The following STK33 variants were observed in gnomAD, a reference collection of about 807,000 sequenced individuals.
STK33 encodes serine/threonine kinase 33, also known as serine/threonine-protein kinase 33.
A neutral mutation model predicts 58.0 loss-of-function variants in STK33; 52 were observed. The ratio of observed to expected loss-of-function variants is 0.90; its 90% CI spans 0.72 to 1.13. STK33 has a LOEUF of 1.13. Among genes scored for constraint, STK33 ranks in the 50% most tolerant of loss-of-function variants. The probability of loss-of-function intolerance (pLI) is 0.00; values close to 1 mark genes in which losing one functional copy is unlikely to be tolerated. For missense variants in STK33, 630 were observed against 604.2 expected (o/e 1.04, Z -0.45); for synonymous variants, 215 against 200.1 (o/e 1.07, Z -0.63).
chr11:8,579,986 G>A (rs2029868046), intron 1 of STK33, among the ~76,000 whole-genome samples: 1 of 152,116 alleles, frequency 6.6e-6, no homozygotes, highest in African/African-American at 2.4e-5. Flanking sequence ...GAGGAGATGT[G>A]GAGAAAAGGG....
intron 7 of STK33, among the ~76,000 whole-genome samples, chr11:8,464,176 G>C (rs559372804): frequency 2.4e-4 from 36 of 152,254 alleles, no homozygotes; most frequent in African/African-American, 8.4e-4. Flanking sequence ...AAGCTCAGTC[G>C]TTCCCCAGTT....
At chr11:8,550,842 C>G (rs892327423) in intron 1 of STK33, among the ~76,000 whole-genome samples, 1 of 152,164 alleles carries the variant, frequency 6.6e-6, no homozygotes, top group African/African-American at 2.4e-5. Context: ...CTGAGCCCTC[C>G]AAACTGTTGC....
chr11:8,439,881 A>ATATATT (rs1295610796), intron 12 of STK33, among the ~76,000 whole-genome samples: 1 of 142,214 alleles, frequency 7.0e-6, no homozygotes, highest in Non-Finnish European at 1.5e-5. Flanking sequence ...ATATATATAT[A>ATATATT]TATATCAGAG....
At chr11:8,588,442 T>C (rs574161053) in intron 1 of STK33, among the ~76,000 whole-genome samples, 18 of 152,274 alleles carry the variant, frequency 1.2e-4, no homozygotes, top group African/African-American at 4.3e-4. Flanking sequence ...AAATGAAGTG[T>C]ACAACAAACA....
intron 1 of STK33, among the ~76,000 whole-genome samples, chr11:8,588,911 A>G (rs2032155687): frequency 6.6e-6 from 1 of 152,218 alleles, no homozygotes; most frequent in African/African-American, 2.4e-5. Flanking sequence ...ATATTAACAC[A>G]TGAAAAGATC....
chr11:8,408,325 C>T (rs979981545), intron 15 of STK33, among the ~76,000 whole-genome samples: 1 of 152,014 alleles, frequency 6.6e-6, no homozygotes, highest in Non-Finnish European at 1.5e-5. Context: ...AGCTATAGGC[C>T]CTAAGGGGAG....
Position 8,474,575 on chromosome 11 carries a change from G to C in STK33, c.225+106C>G, listed in dbSNP as rs188266926. 6 of 764,432 alleles carry C rather than the reference G, an allele frequency of 7.8e-6. No individual in the cohort carries two copies. The African/African-American group carries it at 1.1e-4, about 14-fold the overall frequency. The allele number at this position is 764,432 out of a possible 1,614,324, so 47.4% of individuals were successfully genotyped here. A position where few individuals can be genotyped will look rare whatever the true frequency, so the allele number is the denominator to read the frequency against. On this transcript the variant is annotated intron_variant, in intron 5 of 15. Coordinates refer to ENST00000687296, the MANE Select transcript of STK33 (RefSeq NM_001352389.2). ...AAAGAAATGTTTAATAGTTATGAAG[G>C]CAATGAATTAGCTAACAAGAACTCA...
At chr11:8,356,444 T>C in the STK33 span, among the ~76,000 whole-genome samples, 1 of 151,858 alleles carries the variant, frequency 6.6e-6, no homozygotes, top group African/African-American at 2.4e-5. Flanking sequence ...GACCGACGGC[T>C]CGCCACTGTC....
chr11:8,577,726 G>A (rs1298599318), intron 1 of STK33, among the ~76,000 whole-genome samples: 6 of 151,992 alleles, frequency 3.9e-5, no homozygotes, highest in Non-Finnish European at 7.4e-5. Flanking sequence ...AAGTATACAT[G>A]CCATTTATAC....
chr11:8,427,992 C>T (rs560667204), intron 14 of STK33, among the ~76,000 whole-genome samples: 74 of 152,294 alleles, frequency 4.9e-4, no homozygotes, highest in African/African-American at 1.6e-3. Context: ...CAGTCCTGGC[C>T]CTTGGCCTTG....
the STK33 span, among the ~76,000 whole-genome samples, chr11:8,347,871 A>C: frequency 1.3e-5 from 2 of 152,264 alleles, no homozygotes; most frequent in South Asian, 4.1e-4. Flanking sequence ...CTGTGGCGGA[A>C]GGGGCAGAGG....
intron 1 of STK33, among the ~76,000 whole-genome samples, chr11:8,532,352 C>T (rs576532054): frequency 1.6e-4 from 25 of 152,320 alleles, no homozygotes; most frequent in Non-Finnish European, 2.9e-4. Flanking sequence ...TATTCATTCA[C>T]TTATTATCTA....
intron 1 of STK33, among the ~76,000 whole-genome samples, chr11:8,514,373 T>A (rs1190401726): frequency 6.6e-6 from 1 of 152,144 alleles, no homozygotes; most frequent in African/African-American, 2.4e-5. Flanking sequence ...AACTTAGCCA[T>A]CGTGAATAAA....
chr11:8,388,048 C>T (rs1011055977), downstream of STK33, among the ~76,000 whole-genome samples: 4 of 152,164 alleles, frequency 2.6e-5, no homozygotes, highest in South Asian at 2.1e-4. Flanking sequence ...GAAGCCTGGA[C>T]GGAGACAGGG....
rs796992204 is a variant in STK33, at chr11:8,496,578, AT to A, written c.-465-15965del. ...TTAAAATAAGCCTGTGTGATATTTC[AT>A]TTTTTTTTTTTTTGAGATGGAGTCT... On this transcript the variant is annotated intron_variant, in intron 1 of 15. Transcript: ENST00000687296. 3.5e-3 allele frequency among the ~76,000 whole-genome samples: 505 copies of A among 142,628 alleles called. 1 individual carries two copies. The highest frequency in any genetic ancestry group is 7.2e-3 in the Middle Eastern group (2 of 278). 93.6% of individuals were successfully genotyped at this position (142,628 alleles called of 152,430 possible).
At chr11:8,409,187 C>T (rs1045360553) in intron 15 of STK33, among the ~76,000 whole-genome samples, 20 of 152,196 alleles carry the variant, frequency 1.3e-4, no homozygotes, top group Admixed American at 2.6e-4. Context: ...ATCTCAGTAT[C>T]TTGTAACAGC....
intron 1 of STK33, among the ~76,000 whole-genome samples, chr11:8,591,964 T>C (rs1262893026): frequency 1.3e-5 from 2 of 151,998 alleles, no homozygotes; most frequent in African/African-American, 4.8e-5. Flanking sequence ...TGTGCACATG[T>C]ACCCTAAAAC....
At chr11:8,375,831 C>G in the STK33 span, among the ~76,000 whole-genome samples, 1 of 152,120 alleles carries the variant, frequency 6.6e-6, no homozygotes, top group Non-Finnish European at 1.5e-5. Context: ...CCTGAGGCCT[C>G]TCCAGCCATG....
chr11:8,404,354 C>T (rs1264788400), intron 15 of STK33, among the ~76,000 whole-genome samples: 1 of 152,126 alleles, frequency 6.6e-6, no homozygotes, highest in African/African-American at 2.4e-5. Context: ...TTGACAAACA[C>T]TTAGGCCTGT....
Sources: allele counts gnomAD v4.1 joint callset (sites outside exome capture counted in the v4.1 genomes callset), GRCh38; gene constraint gnomAD v4.1.1; transcripts MANE v1.5; gene names NCBI Gene and HGNC (gene_info 2026-07-23, HGNC 2026-07-21).